Variants in CA12 observed in about 807,000 individuals in gnomAD.
The protein encoded by CA12 is carbonate dehydratase XII.
Under a neutral mutation model 46.8 loss-of-function variants are expected in CA12, and 36 were observed. The ratio of observed to expected loss-of-function variants is 0.77; its 90% CI spans 0.59 to 1.02. The LOEUF is 1.02. Ranked by LOEUF, CA12 falls within the 50% of genes least tolerant of loss-of-function variation. The pLI is 0.00. For synonymous variants in CA12, 202 were observed against 187.0 expected (o/e 1.08, Z -0.65); for missense variants, 436 against 451.4 (o/e 0.97, Z 0.31).
intron 1 of CA12, among the ~76,000 whole-genome samples, chr15:63,379,625 C>T (rs1258589678): frequency 1.3e-5 from 2 of 152,204 alleles, no homozygotes; most frequent in Non-Finnish European, 2.9e-5. Flanking sequence ...CCTGTTAGAA[C>T]CTGCAGACCC....
intron 2 of CA12, among the ~76,000 whole-genome samples, chr15:63,352,730 C>T (rs1229081245): frequency 4.6e-5 from 7 of 152,132 alleles, no homozygotes; most frequent in Non-Finnish European, 8.8e-5. Flanking sequence ...GATGATGACA[C>T]GCCCTTTTTC....
At position 63,375,818 on chromosome 15, in the gene CA12, T is replaced by C. The variant is rs1006250363; in HGVS notation, c.86-140A>G. 2.5e-5 allele frequency: 17 copies of C among 685,986 alleles called. No homozygotes were observed. In the African/African-American group the frequency reaches 3.1e-4, roughly 13 times the overall value. The allele number at this position is 685,986 out of a possible 1,614,324, so 42.5% of individuals were successfully genotyped here. A position where few individuals can be genotyped will look rare whatever the true frequency, so the allele number is the denominator to read the frequency against. On this transcript the variant is annotated intron_variant, in intron 1 of 10. Coordinates refer to ENST00000178638, the MANE Select transcript of CA12 (RefSeq NM_001218.5). ...TTGAAACTTTTTCTTTTTCTTTTTT[T>C]TTTTTTTCAAGGTGGAGTATTGCTC... is the stretch of plus-strand genomic sequence containing the variant.
chr15:63,345,562 G>A lies in CA12; in HGVS notation c.344C>T (p.Ala115Val). 6.2e-7 allele frequency: 1 copy of A among 1,613,456 alleles called. No individual in the cohort carries two copies. The highest frequency in any genetic ancestry group is 8.5e-7 in the Non-Finnish European group (1 of 1,180,016). ...HIQGLQSRYSATQLHLHWGNP... is the reference protein window; with the variant it reads ...HIQGLQSRYSVTQLHLHWGNP... ...CCCCCAGTGCAGGTGCAGCTGCGTGGCACTGTAGCGAGACTGGAGGCCCTG... is the reference window on the plus strand; with the variant it reads ...CCCCCAGTGCAGGTGCAGCTGCGTGACACTGTAGCGAGACTGGAGGCCCTG... The change falls in exon 4 of 11, where the codon GCC becomes GTC. Residue 115 changes from alanine (A) to valine (V), a missense_variant. Coordinates refer to ENST00000178638, the MANE Select transcript of CA12 (RefSeq NM_001218.5). This position sits in a 1 kb window ranked among gnomAD's most constrained non-coding sequence, Gnocchi z 4.3.
rs569059522 is a variant in CA12 at position 63,322,023 on chromosome 15, C to T, written c.*4262G>A. 6.6e-6 allele frequency: 1 copy of T among 152,190 alleles called. No individual in the cohort carries two copies. The highest frequency in any genetic ancestry group is 1.5e-5 in the Non-Finnish European group (1 of 68,040). 9.4% of individuals were successfully genotyped at this position (152,190 alleles called of 1,614,324 possible). On this transcript the variant is annotated 3_prime_UTR_variant, in exon 11 of 11. Coordinates refer to ENST00000178638, the MANE Select transcript of CA12 (RefSeq NM_001218.5). The surrounding 1 kb of genome is among the most constrained non-coding windows in gnomAD (Gnocchi z 4.1). ...CTCAGTCTCTGAAAGTCGGGTTCGTCGTCCGGGTCTGCGCAGGGCATGGAT... is the reference window on the plus strand; with the variant it reads ...CTCAGTCTCTGAAAGTCGGGTTCGTTGTCCGGGTCTGCGCAGGGCATGGAT...
In CA12 at chr15:63,373,749, G is replaced by A. The variant is rs551542924; in HGVS notation, c.106+1909C>T. Reference sequence around the variant, plus strand: ...CCAAGCCGTAGTTTGAGAAACACTGGTCTAGACAACCCCTCCTCCAGGTTA... The same window carrying A: ...CCAAGCCGTAGTTTGAGAAACACTGATCTAGACAACCCCTCCTCCAGGTTA... On this transcript the variant is annotated intron_variant, in intron 2 of 10. Coordinates refer to ENST00000178638, the MANE Select transcript of CA12 (RefSeq NM_001218.5). This position sits in a 1 kb window ranked among gnomAD's most constrained non-coding sequence, Gnocchi z 4.9. Among the ~76,000 whole-genome samples, 3 of 152,270 alleles carry A rather than the reference G, an allele frequency of 2.0e-5. No individual in the cohort carries two copies. The highest frequency in any genetic ancestry group is 7.2e-5 in the African/African-American group (3 of 41,546).
At chr15:63,364,250 G>A (rs1352041919) in intron 2 of CA12, among the ~76,000 whole-genome samples, 1 of 142,082 alleles carries the variant, frequency 7.0e-6, no homozygotes, top group Admixed American at 7.5e-5. Context: ...CACTTTGGGA[G>A]GCCAAGGCAG....
rs187758969 is a variant in CA12 at position 63,362,744 on chromosome 15, A to G, written c.106+12914T>C. On this transcript the variant is annotated intron_variant, in intron 2 of 10. Coordinates refer to ENST00000178638, the MANE Select transcript of CA12 (RefSeq NM_001218.5). ...GGATGTTCTTTCTGATATCTTACCTATAGCACTCTTGCTATTATTTAAAGT... is the reference window on the plus strand; with the variant it reads ...GGATGTTCTTTCTGATATCTTACCTGTAGCACTCTTGCTATTATTTAAAGT... Among the ~76,000 whole-genome samples the G allele has an allele frequency of 3.3e-5, 5 of 152,328 alleles. No homozygotes were observed. The East Asian group carries it at 5.8e-4, about 18-fold the overall frequency.
At chr15:63,360,544 C>A (rs1369627161) in intron 2 of CA12, among the ~76,000 whole-genome samples, 2 of 152,198 alleles carry the variant, frequency 1.3e-5, no homozygotes, top group African/African-American at 4.8e-5. Context: ...AACACTACCC[C>A]TCAAACATTA....
intron 2 of CA12, among the ~76,000 whole-genome samples, chr15:63,367,992 C>A (rs1164102801): frequency 6.6e-6 from 1 of 152,224 alleles, no homozygotes; most frequent in Non-Finnish European, 1.5e-5. Context: ...CCCCATCATA[C>A]TTACGTGCTG....
rs2039069206 is a variant in CA12 at position 63,340,809 on chromosome 15, A to G, written c.526-26T>C. 1.9e-6 allele frequency: 3 copies of G among 1,607,296 alleles called. No homozygotes were observed. The highest frequency in any genetic ancestry group is 1.7e-4 in the Middle Eastern group (1 of 6,048). On this transcript the variant is annotated intron_variant, in intron 5 of 10. Coordinates refer to ENST00000178638, the MANE Select transcript of CA12 (RefSeq NM_001218.5). The surrounding 1 kb of genome is among the most constrained non-coding windows in gnomAD (Gnocchi z 4.4). ...CTGCAACAGAGACAGGGCAGGTTAA[A>G]CTGGGACAGAACAGGATAGGCTGAG...
At chr15:63,335,745 T>C (rs903885180) in intron 8 of CA12, among the ~76,000 whole-genome samples, 2 of 152,102 alleles carry the variant, frequency 1.3e-5, no homozygotes, top group East Asian at 1.9e-4. Flanking sequence ...CAAACATGCC[T>C]CAGTGGATGA....
intron 2 of CA12, among the ~76,000 whole-genome samples, chr15:63,360,098 A>G (rs1023775397): frequency 1.3e-5 from 2 of 152,218 alleles, no homozygotes; most frequent in African/African-American, 2.4e-5. Context: ...TGCCAGTTTC[A>G]TGGATATCGG....
Position 63,322,983 on chromosome 15 carries a change from C to A in CA12, c.*3302G>T, listed in dbSNP as rs774595337. The A allele has an allele frequency of 1.3e-5, 2 of 152,204 alleles. No individual in the cohort carries two copies. The highest frequency in any genetic ancestry group is 4.8e-5 in the African/African-American group (2 of 41,446). The allele number at this position is 152,204 out of a possible 1,614,324, so 9.4% of individuals were successfully genotyped here. ...ACAATGATGGTACCTATTTTATAACCTTTACTGGACTGCCTCTTTTTGCCC... is the reference window on the plus strand; with the variant it reads ...ACAATGATGGTACCTATTTTATAACATTTACTGGACTGCCTCTTTTTGCCC... On this transcript the variant is annotated 3_prime_UTR_variant, in exon 11 of 11. Transcript: ENST00000178638. The surrounding 1 kb of genome is among the most constrained non-coding windows in gnomAD (Gnocchi z 4.1).
intron 3 of CA12, 112 bp downstream of exon 3, chr15:63,346,418 C>A: frequency 1.3e-6 from 1 of 780,300 alleles, no homozygotes; most frequent in Non-Finnish European, 2.2e-6. Flanking sequence ...CCGCCCCACC[C>A]CTCCTCCTGG....
intron 2 of CA12, among the ~76,000 whole-genome samples, chr15:63,356,376 G>C (rs997583197): frequency 1.3e-5 from 2 of 152,170 alleles, no homozygotes; most frequent in African/African-American, 4.8e-5. Flanking sequence ...CTGGGTGACA[G>C]AGCATCTCAA....
At position 63,366,628 on chromosome 15, in the gene CA12, A is replaced by G. The variant is rs143743717; in HGVS notation, c.106+9030T>C. 1.4e-3 allele frequency among the ~76,000 whole-genome samples: 206 copies of G among 152,374 alleles called. 1 individual carries two copies. The highest frequency in any genetic ancestry group is 4.8e-3 in the African/African-American group (200 of 41,596). On this transcript the variant is annotated intron_variant, in intron 2 of 10. Coordinates refer to ENST00000178638, the MANE Select transcript of CA12 (RefSeq NM_001218.5). Reference sequence around the variant, plus strand: ...AATATTTGTGGAATGAATGTGAACCATTTATCTCAGGCAAGTTGAAAACTT... The same window carrying G: ...AATATTTGTGGAATGAATGTGAACCGTTTATCTCAGGCAAGTTGAAAACTT...
chr15:63,338,227 G>C (rs1190053125), intron 8 of CA12, among the ~76,000 whole-genome samples: 2 of 152,250 alleles, frequency 1.3e-5, no homozygotes, highest in African/African-American at 4.8e-5. Context: ...GAACTTATGT[G>C]CTTGTGCTTA....
chr15:63,360,106 C>T (rs142303301), intron 2 of CA12, among the ~76,000 whole-genome samples: 6 of 152,264 alleles, frequency 3.9e-5, no homozygotes, highest in East Asian at 1.9e-4. Flanking sequence ...TCATGGATAT[C>T]GGCAGAAGAC....
At chr15:63,377,813 T>G (rs1378517702) in intron 1 of CA12, among the ~76,000 whole-genome samples, 1 of 152,244 alleles carries the variant, frequency 6.6e-6, no homozygotes, top group East Asian at 1.9e-4. Context: ...CATTATTTAT[T>G]GACATCCCAC....
Sources: allele counts gnomAD v4.1 joint callset (sites outside exome capture counted in the v4.1 genomes callset), GRCh38; gene constraint gnomAD v4.1.1; non-coding constraint Gnocchi (gnomAD v3.1); transcripts MANE v1.5; gene names NCBI Gene and HGNC (gene_info 2026-07-23, HGNC 2026-07-21).